SBF2: variants seen among roughly 807,000 people sequenced by gnomAD.
The protein encoded by SBF2 is myotubularin-related protein 13.
Under a neutral mutation model 225.2 loss-of-function variants are expected in SBF2, and 112 were observed. That is an observed-to-expected ratio of 0.50 (90% CI 0.43 to 0.58). The LOEUF is 0.58. Ranked by LOEUF, SBF2 falls within the 20% of genes least tolerant of loss-of-function variation. The probability of loss-of-function intolerance (pLI) is 0.00; values close to 1 mark genes in which losing one functional copy is unlikely to be tolerated. For missense variants in SBF2, 1,996 were observed against 2,206.2 expected (o/e 0.90, Z 1.91); for synonymous variants, 763 against 773.3 (o/e 0.99, Z 0.22).
intron 2 of SBF2, among the ~76,000 whole-genome samples, chr11:10,154,480 T>C (rs1955371117): frequency 6.6e-6 from 1 of 152,134 alleles, no homozygotes; most frequent in Non-Finnish European, 1.5e-5. Flanking sequence ...TATCATACTT[T>C]TTCAGTTCTC....
At chr11:9,881,154 A>G (rs757531377) in intron 17 of SBF2, among the ~76,000 whole-genome samples, 4 of 152,232 alleles carry the variant, frequency 2.6e-5, no homozygotes, top group Non-Finnish European at 5.9e-5. Context: ...TTCAAGTCCA[A>G]CAACAAAAAT....
chr11:9,909,355 A>G (rs1202012499), intron 16 of SBF2, among the ~76,000 whole-genome samples: 1 of 151,966 alleles, frequency 6.6e-6, no homozygotes, highest in African/African-American at 2.4e-5. Context: ...GGAAGGTAAA[A>G]AAAACCTGAC....
intron 1 of SBF2, among the ~76,000 whole-genome samples, chr11:10,267,153 T>C (rs1962076967): frequency 6.6e-6 from 1 of 152,194 alleles, no homozygotes; most frequent in Non-Finnish European, 1.5e-5. Context: ...GGGGGCTATC[T>C]CTTCTTCCCT....
At chr11:9,905,416 T>C (rs781299085) in intron 16 of SBF2, among the ~76,000 whole-genome samples, 4 of 152,236 alleles carry the variant, frequency 2.6e-5, no homozygotes, top group Non-Finnish European at 5.9e-5. Flanking sequence ...AGAATTAACA[T>C]TGAGCGTAAT....
chr11:10,028,609 T>TA, intron 5 of SBF2, 52 bp from the exon 6 acceptor site: 1 of 1,222,166 alleles, frequency 8.2e-7, no homozygotes, highest in Non-Finnish European at 1.2e-6. Flanking sequence ...CAGCCATTTT[T>TA]TAAAAAATAA....
At chr11:10,134,042 G>C (rs1318611595) in intron 2 of SBF2, among the ~76,000 whole-genome samples, 1 of 152,152 alleles carries the variant, frequency 6.6e-6, no homozygotes, top group Non-Finnish European at 1.5e-5. Context: ...CCTGAGACCG[G>C]GCAATTTACA....
intron 16 of SBF2, chr11:9,956,867 T>C (rs756149757): frequency 6.6e-6 from 1 of 152,120 alleles, no homozygotes; most frequent in African/African-American, 2.4e-5. Flanking sequence ...AGAAAAGACA[T>C]TGGGATACAA....
intron 2 of SBF2, among the ~76,000 whole-genome samples, chr11:10,127,220 A>T (rs993533257): frequency 4.6e-5 from 7 of 152,124 alleles, no homozygotes; most frequent in Non-Finnish European, 8.8e-5. Context: ...ATCATAATTT[A>T]AAAAATTAAA....
intron 1 of SBF2, among the ~76,000 whole-genome samples, chr11:10,292,552 G>A (rs538958223): frequency 6.6e-6 from 1 of 151,956 alleles, no homozygotes; most frequent in Admixed American, 6.6e-5. Context: ...GTTGGCGGGC[G>A]CCTGTAAATC....
In SBF2 at chr11:10,218,862, G is replaced by A. The variant is rs190513021; in HGVS notation, c.56-24875C>T. 4.7e-4 allele frequency among the ~76,000 whole-genome samples: 71 copies of A among 152,362 alleles called. 1 individual carries two copies. The highest frequency in any genetic ancestry group is 1.0e-4 in the Non-Finnish European group (7 of 68,036). The stretch of plus-strand genomic sequence containing the variant: ...TGTCTCACATCCAGGCCATGCTGAT[G>A]CCAGAGGTGGGCTCCCACAGCCCTG... On this transcript the variant is annotated intron_variant, in intron 1 of 39. Transcript: ENST00000256190.
At chr11:9,949,374 C>T (rs1450632872) in intron 16 of SBF2, among the ~76,000 whole-genome samples, 1 of 152,064 alleles carries the variant, frequency 6.6e-6, no homozygotes, top group Non-Finnish European at 1.5e-5. Flanking sequence ...TAGTAAGCAT[C>T]TTTGTCTTGC....
chr11:9,907,565 C>G (rs966473821), intron 16 of SBF2, among the ~76,000 whole-genome samples: 2 of 152,162 alleles, frequency 1.3e-5, no homozygotes, highest in Admixed American at 6.5e-5. Context: ...AATAAACCTA[C>G]AAAACCATAA....
Position 10,246,157 on chromosome 11 carries a change from G to A in SBF2, c.55+47858C>T, listed in dbSNP as rs528814102. Among the ~76,000 whole-genome samples, 20 of 152,204 alleles carry A rather than the reference G, an allele frequency of 1.3e-4. No homozygotes were observed. The East Asian group carries it at 3.5e-3, about 26-fold the overall frequency. ...ATCACACACAAAAAAAGAAAGAGTG[G>A]GGGGAAGCTTTTGAAGGTCCTGGAT... On this transcript the variant is annotated intron_variant, in intron 1 of 39. Coordinates refer to ENST00000256190, the MANE Select transcript of SBF2 (RefSeq NM_030962.4).
intron 24 of SBF2, among the ~76,000 whole-genome samples, chr11:9,844,565 G>T (rs1049409075): frequency 6.6e-6 from 1 of 152,122 alleles, no homozygotes; most frequent in Non-Finnish European, 1.5e-5. Flanking sequence ...TCATACTAAA[G>T]AAATATGACA....
At chr11:9,996,539 G>A (rs964350097) in intron 9 of SBF2, among the ~76,000 whole-genome samples, 3 of 152,028 alleles carry the variant, frequency 2.0e-5, no homozygotes, top group African/African-American at 7.2e-5. Flanking sequence ...ACAGGCGTGC[G>A]CCACCACGCC....
intron 13 of SBF2, among the ~76,000 whole-genome samples, chr11:9,979,810 C>CTTTT (rs933648882): frequency 1.5e-5 from 2 of 137,220 alleles, no homozygotes; most frequent in Admixed American, 7.4e-5. Context: ...TTAAATTCAT[C>CTTTT]TTTTTTTTTT....
intron 1 of SBF2, among the ~76,000 whole-genome samples, chr11:10,213,038 ACT>A (rs897434912): frequency 6.9e-6 from 1 of 145,796 alleles, no homozygotes; most frequent in African/African-American, 2.6e-5. Flanking sequence ...ACAGAGCAAG[ACT>A]CTGTCTCAAA....
At chr11:10,026,549 G>T (rs923618052) in intron 6 of SBF2, among the ~76,000 whole-genome samples, 1 of 151,936 alleles carries the variant, frequency 6.6e-6, no homozygotes. Flanking sequence ...TGGGCAACAT[G>T]GCGAGACCCT....
At chr11:10,236,501 C>A (rs1404612023) in intron 1 of SBF2, among the ~76,000 whole-genome samples, 4 of 152,094 alleles carry the variant, frequency 2.6e-5, no homozygotes, top group African/African-American at 9.7e-5. Flanking sequence ...ACTCTGTTAC[C>A]CAGGCTGGAG....
Sources: allele counts gnomAD v4.1 joint callset (sites outside exome capture counted in the v4.1 genomes callset), GRCh38; gene constraint gnomAD v4.1.1; transcripts MANE v1.5; gene names NCBI Gene and HGNC (gene_info 2026-07-23, HGNC 2026-07-21).